DNM1L: variants seen among roughly 807,000 people sequenced by gnomAD.
DNM1L encodes dynamin 1L.
DNM1L carries 33 observed loss-of-function variants against 92.8 expected under a neutral mutation model. That is an observed-to-expected ratio of 0.36 (90% CI 0.27 to 0.48). DNM1L has a LOEUF of 0.48. Among genes scored for constraint, DNM1L ranks in the 20% least tolerant of loss-of-function variants. DNM1L has a pLI of 0.99. For synonymous variants in DNM1L, 284 were observed against 305.0 expected (o/e 0.93, Z 0.72); for missense variants, 485 against 888.8 (o/e 0.55, Z 5.78).
chr12:32,691,532 C>T (rs769972646), intron 1 of DNM1L, among the ~76,000 whole-genome samples: 24 of 152,236 alleles, frequency 1.6e-4, no homozygotes, highest in African/African-American at 4.3e-4. Context: ...TATGAGCCAC[C>T]GTGCCCGGCT....
In DNM1L at chr12:32,743,334, T is replaced by A. The variant is rs746842624; in HGVS notation, c.2155-20T>A. 15 of 1,607,314 alleles carry A rather than the reference T, an allele frequency of 9.3e-6. No individual in the cohort carries two copies. Among genetic ancestry groups the A allele is most frequent in the Middle Eastern group, 1.7e-4 (1 of 5,950 alleles). On this transcript the variant is annotated intron_variant, in intron 19 of 19. Coordinates refer to ENST00000549701, the MANE Select transcript of DNM1L (RefSeq NM_012062.5). ...ATAACTTTATAATAAGCATTTAAAATTTTTTTTCCTTTAATGCAGGCATTA... is the reference window on the plus strand; with the variant it reads ...ATAACTTTATAATAAGCATTTAAAAATTTTTTTCCTTTAATGCAGGCATTA...
intron 4 of DNM1L, among the ~76,000 whole-genome samples, chr12:32,708,509 TTATTA>T (rs1953009443): frequency 6.6e-6 from 1 of 152,312 alleles, no homozygotes; most frequent in East Asian, 1.9e-4. Flanking sequence ...ACATGCCACA[TTATTA>T]TATAATTCTA....
At chr12:32,696,853 G>A (rs377522550) in intron 1 of DNM1L, among the ~76,000 whole-genome samples, 255 of 146,546 alleles carry the variant, frequency 1.7e-3, no homozygotes, top group African/African-American at 6.0e-3. Context: ...TCAAACTCCC[G>A]ACCTCAAGTG....
At chr12:32,730,059 A>G (rs1480608679) in intron 9 of DNM1L, among the ~76,000 whole-genome samples, 1 of 152,190 alleles carries the variant, frequency 6.6e-6, no homozygotes, top group Non-Finnish European at 1.5e-5. Flanking sequence ...CTCAGTAACT[A>G]TATCAAGAGA....
At chr12:32,716,242 T>TGG (rs139854269) in intron 6 of DNM1L, among the ~76,000 whole-genome samples, 5,841 of 147,730 alleles carry the variant, frequency 0.04, 137 homozygotes, top group Middle Eastern at 0.066. Context: ...GAAAATTTGG[T>TGG]GGGGGGGGGT....
intron 2 of DNM1L, chr12:32,706,875 A>G: frequency 3.0e-6 from 1 of 334,046 alleles, no homozygotes; most frequent in Non-Finnish European, 5.8e-6. Flanking sequence ...TCATTGACAC[A>G]TTGTAAAATT....
intron 9 of DNM1L, chr12:32,728,786 G>A (rs1485194844): frequency 6.6e-6 from 1 of 152,112 alleles, no homozygotes; most frequent in Non-Finnish European, 1.5e-5. Context: ...CTAGGAACAA[G>A]ACTGTAGATA....
chr12:32,742,702 C>G lies in DNM1L; in HGVS notation c.2108C>G (p.Ser703Cys). The change falls in exon 19 of 20, where the codon TCT becomes TGT. Residue 703 changes from serine (S) to cysteine (C), a missense_variant. By Grantham distance (112) the Ser-to-Cys change is moderately radical. Around this residue, in one of 11 missense-constraint regions of DNM1L, gnomAD observed 133 missense variants for 210.9 expected, o/e 0.63. Coordinates refer to ENST00000549701, the MANE Select transcript of DNM1L (RefSeq NM_012062.5). The stretch of plus-strand genomic sequence containing the variant: ...TTATTGGATGATCTTCTGACAGAAT[C>G]TGAGGACATGGCACAGCGCAGGAAA... ...SSLLDDLLTE[S>C]EDMAQRRKEA... 3.1e-6 allele frequency: 5 copies of G among 1,614,042 alleles called. No homozygotes were observed. The highest frequency in any genetic ancestry group is 4.2e-6 in the Non-Finnish European group (5 of 1,180,018).
At chr12:32,718,915 C>A in intron 7 of DNM1L, 152 bp downstream of exon 7, 1 of 1,157,292 alleles carries the variant, frequency 8.6e-7, no homozygotes, top group Non-Finnish European at 1.3e-6. Flanking sequence ...CTTGGTATTG[C>A]TAAAGAATCC....
chr12:32,741,286 T>C (rs1955268758), intron 18 of DNM1L, among the ~76,000 whole-genome samples: 1 of 152,210 alleles, frequency 6.6e-6, no homozygotes, highest in Non-Finnish European at 1.5e-5. Flanking sequence ...GCCCCCATCC[T>C]CTGCAGAAGG....
intron 1 of DNM1L, 47 bp from the exon 2 acceptor site, chr12:32,701,368 A>G: frequency 6.4e-7 from 1 of 1,571,310 alleles, no homozygotes; most frequent in Admixed American, 1.7e-5. Flanking sequence ...ATTAACAAAA[A>G]ATGTGTTAAG....
Position 32,740,104 on chromosome 12 carries a change from A to T in DNM1L, c.1748A>T (p.Glu583Val). ...GGTGGGGTTGGAGATGGTGTTCAAG[A>T]ACCAACCACAGGCAACTGGAGAGGA... ...GGGGVGDGVQ[E>V]PTTGNWRGML... Residue 583 changes from glutamate (E) to valine (V), a missense_variant, in exon 17 of 20, where the codon GAA becomes GTA. By Grantham distance (121) the Glu-to-Val change is moderately radical. This residue lies in a region of DNM1L where 133 missense variants were observed against 210.9 expected (regional missense o/e 0.63). Coordinates refer to ENST00000549701, the MANE Select transcript of DNM1L (RefSeq NM_012062.5). The T allele has an allele frequency of 6.2e-7, 1 of 1,614,196 alleles. No individual in the cohort carries two copies. The highest frequency in any genetic ancestry group is 1.3e-5 in the African/African-American group (1 of 75,052).
Position 32,744,966 on chromosome 12 carries a change from A to G in DNM1L, c.*1556A>G, listed in dbSNP as rs374143404. ...GATATTACTTTTTTTTCAGTTTATG[A>G]CCAGGTATTTATGAAGGACTATTGG... is the stretch of plus-strand genomic sequence containing the variant. On this transcript the variant is annotated 3_prime_UTR_variant, in exon 20 of 20. Transcript: ENST00000549701. The G allele has an allele frequency of 1.9e-5, 10 of 518,616 alleles. No individual in the cohort carries two copies. Among genetic ancestry groups the G allele is most frequent in the African/African-American group, 1.9e-4 (10 of 51,930 alleles). The allele number at this position is 518,616 out of a possible 1,614,324, so 32.1% of individuals were successfully genotyped here.
At chr12:32,699,644 A>C (rs561740546) in intron 1 of DNM1L, among the ~76,000 whole-genome samples, 3 of 151,974 alleles carry the variant, frequency 2.0e-5, no homozygotes, top group Non-Finnish European at 4.4e-5. Flanking sequence ...AAAAATACAA[A>C]ACCGCTGGGC....
At chr12:32,694,374 G>C (rs538479973) in intron 1 of DNM1L, among the ~76,000 whole-genome samples, 6 of 152,154 alleles carry the variant, frequency 3.9e-5, no homozygotes, top group African/African-American at 7.2e-5. Flanking sequence ...GTGAGCCACC[G>C]CGCCCGGCCA....
chr12:32,742,655 A>G lies in DNM1L; in HGVS notation c.2061A>G (p.Val687=). The change falls in exon 19 of 20, where the codon GTA becomes GTG. Residue 687 remains valine (V), a synonymous_variant. Transcript: ENST00000549701. ...AAGACACTCTTCAGAGTGAGCTAGT[A>G]GGCCAGCTGTATAAATCATCCTTAT... The part of the protein sequence containing the change: ...HVKDTLQSEL[V]GQLYKSSLLD... 1 of 1,614,154 alleles carries G rather than the reference A, an allele frequency of 6.2e-7. No homozygotes were observed. Among genetic ancestry groups the G allele is most frequent in the Non-Finnish European group, 8.5e-7 (1 of 1,180,022 alleles).
intron 12 of DNM1L, among the ~76,000 whole-genome samples, chr12:32,732,886 CG>C: frequency 6.6e-6 from 1 of 152,188 alleles, no homozygotes; most frequent in Non-Finnish European, 1.5e-5. Context: ...CACTTGAGGT[CG>C]GAAGTTTGAG....
At chr12:32,733,534 C>T in intron 12 of DNM1L, 181 bp from the exon 13 acceptor site, 1 of 585,448 alleles carries the variant, frequency 1.7e-6, no homozygotes, top group South Asian at 2.2e-5. Flanking sequence ...AATTTTAAAG[C>T]TAGAGTAAAT....
chr12:32,735,457 T>C (rs1353093634), intron 13 of DNM1L, among the ~76,000 whole-genome samples: 2 of 152,228 alleles, frequency 1.3e-5, no homozygotes, highest in Non-Finnish European at 2.9e-5. Context: ...CATTTTATCA[T>C]GCTAATTTTT....
Sources: gnomAD v4.1 joint callset for allele counts (sites outside exome capture counted in the v4.1 genomes callset) on GRCh38, gnomAD v4.1.1 for gene constraint, gnomAD v4.1.1 regional missense constraint, MANE v1.5 for transcripts, NCBI Gene and HGNC (gene_info 2026-07-23, HGNC 2026-07-21) for gene names.